Variants in TMEM216 observed in about 807,000 individuals in gnomAD.
TMEM216 encodes the protein transmembrane protein 216, also known as cerebello-oculo-renal syndrome 2.
Under a neutral mutation model 17.8 loss-of-function variants are expected in TMEM216, and 15 were observed. The ratio of observed to expected loss-of-function variants is 0.84; its 90% confidence interval spans 0.56 to 1.30. The LOEUF (loss-of-function observed/expected upper bound fraction) is 1.30. TMEM216 is among the 50% of genes most tolerant of loss of function. The pLI, the probability that TMEM216 is intolerant of heterozygous loss-of-function variation, is 0.00. For synonymous variants in TMEM216, 58 were observed against 73.5 expected (o/e 0.79, Z 1.08); for missense variants, 160 against 175.7 (o/e 0.91, Z 0.51).
At position 61,397,674 on chromosome 11, in the gene TMEM216, A is replaced by AT. The variant is rs1858828297; in HGVS notation, c.230-94dup. The AT allele has an allele frequency of 1.5e-5, 16 of 1,101,152 alleles. No homozygotes were observed. In the East Asian group the frequency reaches 3.3e-4, roughly 23 times the overall value. 68.2% of individuals were successfully genotyped at this position (1,101,152 alleles called of 1,614,324 possible). ...AATCTGCACACCCCCACTCAGGATT[A>AT]TTTTTTGTGCCTTGCCATTCCATCA... On this transcript the variant is annotated intron_variant, in intron 3 of 4. Coordinates refer to ENST00000515837, the MANE Select transcript of TMEM216 (RefSeq NM_001173990.3).
chr11:61,398,450 C>T lies in TMEM216; in HGVS notation c.*174C>T. 2 of 653,480 alleles carry T rather than the reference C, an allele frequency of 3.1e-6. No individual in the cohort carries two copies. The allele number at this position is 653,480 out of a possible 1,614,324, so 40.5% of individuals were successfully genotyped here. A position where few individuals can be genotyped will look rare whatever the true frequency, so the allele number is the denominator to read the frequency against. ...TCAGCATAAGGCCAGTGGGTACCAT[C>T]TTCTAAACCAGGACCATCAGCCCAA... On this transcript the variant is annotated 3_prime_UTR_variant, in exon 5 of 5. Coordinates refer to ENST00000515837, the MANE Select transcript of TMEM216 (RefSeq NM_001173990.3).
chr11:61,398,083 A>G (rs1858841230), intron 4 of TMEM216, 108 bp downstream of exon 4: 1 of 1,432,194 alleles, frequency 7.0e-7, no homozygotes, highest in Admixed American at 1.8e-5. Context: ...ACTTTTTTCT[A>G]GAGGGAGGAA....
In TMEM216 at chr11:61,392,590, T is replaced by C. The variant is rs1426908264; in HGVS notation, c.-42T>C. 2 of 1,531,988 alleles carry C rather than the reference T, an allele frequency of 1.3e-6. No individual in the cohort carries two copies. The highest frequency in any genetic ancestry group is 2.7e-5 in the African/African-American group (2 of 72,840). The allele number at this position is 1,531,988 out of a possible 1,614,324, so 94.9% of individuals were successfully genotyped here. On this transcript the variant is annotated 5_prime_UTR_variant, in exon 1 of 5. Coordinates refer to ENST00000515837, the MANE Select transcript of TMEM216 (RefSeq NM_001173990.3). Reference sequence around the variant, plus strand: ...AAACCCAGGCCGCTTCGTCCCTGTTTCCGGCAGCGCCGCGCTGCTCCGGGA... The same window carrying C: ...AAACCCAGGCCGCTTCGTCCCTGTTCCCGGCAGCGCCGCGCTGCTCCGGGA...
At chr11:61,397,611 A>C in intron 3 of TMEM216, 163 bp from the exon 4 acceptor site, 1 of 600,162 alleles carries the variant, frequency 1.7e-6, no homozygotes. Flanking sequence ...TAGCTCTCCT[A>C]AGCCTCAAAC....
intron 3 of TMEM216, 185 bp downstream of exon 3, chr11:61,394,161 C>T (rs988713097): frequency 1.7e-6 from 1 of 572,214 alleles, no homozygotes. Context: ...CTGTTTGTTG[C>T]TCTGTAAGGC....
intron 4 of TMEM216, 116 bp downstream of exon 4, chr11:61,398,091 GAAGGGGTGGCT>G: frequency 7.1e-7 from 1 of 1,413,096 alleles, no homozygotes; most frequent in Non-Finnish European, 9.9e-7. Context: ...CTAGAGGGAG[GAAGGGGTGGCT>G]ATGGGATTGC....
At chr11:61,394,461 C>T (rs1358423059) in intron 3 of TMEM216, among the ~76,000 whole-genome samples, 10 of 151,826 alleles carry the variant, frequency 6.6e-5, no homozygotes, top group East Asian at 5.8e-4. Context: ...CTCTGCCTCC[C>T]GGGATCAAGC....
At chr11:61,397,747 G>A in intron 3 of TMEM216, 27 bp from the exon 4 acceptor site, 2 of 1,598,598 alleles carry the variant, frequency 1.3e-6, no homozygotes, top group Non-Finnish European at 8.6e-7. Context: ...ACCATTTGGA[G>A]ATGACTCCAT....
chr11:61,393,267 T>C lies in TMEM216; in HGVS notation c.71T>C (p.Phe24Ser), dbSNP rs1277103021. ...TCCTCCACCCCGCTGGAAATCCTGTTCTTTCTGAACGGGTGGTATAATGCT... is the reference window on the plus strand; with the variant it reads ...TCCTCCACCCCGCTGGAAATCCTGTCCTTTCTGAACGGGTGGTATAATGCT... Reference protein sequence around the residue: ...RLSSTPLEILFFLNGWYNATY... With the variant: ...RLSSTPLEILSFLNGWYNATY... Residue 24 changes from phenylalanine (F) to serine (S), a missense_variant, in exon 2 of 5, where the codon TTC (phenylalanine) becomes TCC (serine). Coordinates refer to ENST00000515837, the MANE Select transcript of TMEM216 (RefSeq NM_001173990.3). The C allele has an allele frequency of 1.3e-6, 2 of 1,536,100 alleles. No homozygotes were observed. The highest frequency in any genetic ancestry group is 1.2e-5 in the South Asian group (1 of 84,062).
intron 2 of TMEM216, 66 bp from the exon 3 acceptor site, chr11:61,393,813 TCCCAA>T: frequency 8.2e-7 from 1 of 1,219,128 alleles, no homozygotes; most frequent in Admixed American, 2.0e-5. Context: ...TCCTCTTTTT[TCCCAA>T]GTGTGTGGCA....
Position 61,397,877 on chromosome 11 carries a change from C to T in TMEM216, c.333C>T (p.Thr111=). 1 of 1,614,034 alleles carries T rather than the reference C, an allele frequency of 6.2e-7. No homozygotes were observed. Among genetic ancestry groups the T allele is most frequent in the Non-Finnish European group, 8.5e-7 (1 of 1,179,894 alleles). Residue 111 remains threonine, a synonymous_variant, in exon 4 of 5, where the codon ACC becomes ACT. Coordinates refer to ENST00000515837, the MANE Select transcript of TMEM216 (RefSeq NM_001173990.3). The part of the protein sequence containing the change: ...MMASYYLLLQ[T]YVLRLEAIMN... Reference sequence around the variant, plus strand: ...CCTCCTATTACCTGCTGCTGCAGACCTACGTACTCCGCCTGGAAGCCATCA... The same window carrying T: ...CCTCCTATTACCTGCTGCTGCAGACTTACGTACTCCGCCTGGAAGCCATCA...
Position 61,393,262 on chromosome 11 carries a change from C to A in TMEM216, c.66C>A (p.Ile22=). The part of the protein sequence containing the change: ...GKRLSSTPLE[I]LFFLNGWYNA... ...GGTTGTCCTCCACCCCGCTGGAAAT[C>A]CTGTTCTTTCTGAACGGGTGGTATA... Residue 22 remains isoleucine, a synonymous_variant, in exon 2 of 5, where the codon ATC becomes ATA. Transcript: ENST00000515837. 6.5e-7 allele frequency: 1 copy of A among 1,536,034 alleles called. No homozygotes were observed. Among genetic ancestry groups the A allele is most frequent in the Non-Finnish European group, 8.7e-7 (1 of 1,146,838 alleles).
intron 3 of TMEM216, chr11:61,394,401 A>G (rs7925113): frequency 0.85 from 132,746 of 155,306 alleles, 56,835 homozygotes; most frequent in East Asian, 1. Context: ...ATGGAGTCTC[A>G]CTCTGTCCCC....
rs756738481 is a variant in TMEM216, at chr11:61,397,924, T to G, written c.380T>G (p.Phe127Cys). ...EAIMNGILLF[F>C]CGSELLLEVL... ...ATCATGAATGGCATCTTGCTCTTCT[T>G]CTGTGGCTCAGAGCTTTTACTTGAG... The change falls in exon 4 of 5, where the codon TTC becomes TGC. Residue 127 changes from phenylalanine (F) to cysteine (C), a missense_variant. Phe to Cys is a radical substitution (Grantham distance 205). Coordinates refer to ENST00000515837, the MANE Select transcript of TMEM216 (RefSeq NM_001173990.3). 7 of 1,613,908 alleles carry G rather than the reference T, an allele frequency of 4.3e-6. No individual in the cohort carries two copies. The highest frequency in any genetic ancestry group is 1.7e-5 in the Admixed American group (1 of 60,006).
Position 61,397,921 on chromosome 11 carries a change from T to G in TMEM216, c.377T>G (p.Phe126Cys), listed in dbSNP as rs1858835096. 1.2e-6 allele frequency: 2 copies of G among 1,614,048 alleles called. No individual in the cohort carries two copies. Among genetic ancestry groups the G allele is most frequent in the East Asian group, 4.5e-5 (2 of 44,894 alleles). Residue 126 changes from phenylalanine (F) to cysteine (C), a missense_variant, in exon 4 of 5, where the codon TTC (phenylalanine) becomes TGC (cysteine). Physicochemically the swap from Phe to Cys is radical, Grantham distance 205. Coordinates refer to ENST00000515837, the MANE Select transcript of TMEM216 (RefSeq NM_001173990.3). Reference protein sequence around the residue: ...LEAIMNGILLFFCGSELLLEV... With the variant: ...LEAIMNGILLCFCGSELLLEV... ...GCCATCATGAATGGCATCTTGCTCT[T>G]CTTCTGTGGCTCAGAGCTTTTACTT...
chr11:61,398,330 T>C lies in TMEM216; in HGVS notation c.*54T>C. On this transcript the variant is annotated 3_prime_UTR_variant, in exon 5 of 5. Coordinates refer to ENST00000515837, the MANE Select transcript of TMEM216 (RefSeq NM_001173990.3). ...AGGCTGACACCACACATATTGCTTC[T>C]GGTACTTTAGCCACACCAGTGAGAA... 6.3e-7 allele frequency: 1 copy of C among 1,593,646 alleles called. No homozygotes were observed. The highest frequency in any genetic ancestry group is 8.6e-7 in the Non-Finnish European group (1 of 1,165,418).
chr11:61,393,832 C>A, intron 2 of TMEM216, 52 bp from the exon 3 acceptor site: 1 of 1,447,294 alleles, frequency 6.9e-7, no homozygotes, highest in Non-Finnish European at 9.6e-7. Flanking sequence ...TGTGGCAGTT[C>A]TTGTGGGTGC....
chr11:61,394,063 G>A (rs1858742570), intron 3 of TMEM216, 87 bp downstream of exon 3: 3 of 1,243,210 alleles, frequency 2.4e-6, no homozygotes, highest in Non-Finnish European at 3.5e-6. Flanking sequence ...CATAACCTAG[G>A]TTGACTATCA....
intron 1 of TMEM216, 126 bp downstream of exon 1, chr11:61,392,791 C>T: frequency 6.6e-7 from 1 of 1,522,334 alleles, no homozygotes; most frequent in Non-Finnish European, 8.8e-7. Flanking sequence ...CTCCCTGGTC[C>T]AAAGCCGGCT....
Sources: gnomAD v4.1 joint callset for allele counts (sites outside exome capture counted in the v4.1 genomes callset) on GRCh38, gnomAD v4.1.1 for gene constraint, MANE v1.5 for transcripts, NCBI Gene and HGNC (gene_info 2026-07-23, HGNC 2026-07-21) for gene names.